The following ARHGAP32 variants were observed in gnomAD, a reference collection of about 807,000 sequenced individuals.
ARHGAP32 encodes rho GTPase-activating protein 32.
Under a neutral mutation model 186.5 loss-of-function variants are expected in ARHGAP32, and 51 were observed. The ratio of observed to expected loss-of-function variants is 0.27; its 90% CI spans 0.22 to 0.35. The LOEUF (loss-of-function observed/expected upper bound fraction) is 0.35, where lower values mean the gene tolerates loss of function less well. ARHGAP32 is among the 10% of genes least tolerant of loss of function. The pLI is 1.00. For missense variants in ARHGAP32, 2,186 were observed against 2,623.5 expected, an observed-to-expected ratio of 0.83 and a Z score of 3.64; for synonymous variants, 950 against 964.3, an observed-to-expected ratio of 0.99 and a Z score of 0.27.
chr11:128,980,726 G>C lies in ARHGAP32; in HGVS notation c.1803C>G (p.Ser601=). 1 of 1,611,612 alleles carries C rather than the reference G, an allele frequency of 6.2e-7. No individual in the cohort carries two copies. The highest frequency in any genetic ancestry group is 2.2e-5 in the East Asian group (1 of 44,838). ...TGGTGGATGGAGAGGATACCAGGAG[G>C]GACTTGGGCCTTGATAGAGAAGCTT... is the stretch of plus-strand genomic sequence containing the variant. ...EGAASLSRPK[S]LLVSSPSTKL... The change falls in exon 18 of 23, where the codon TCC becomes TCG. Residue 601 remains serine (S), a synonymous_variant. Coordinates refer to ENST00000682385, the MANE Select transcript of ARHGAP32 (RefSeq NM_001378024.1).
chr11:128,974,786 A>G lies in ARHGAP32; in HGVS notation c.2411T>C (p.Val804Ala). The change falls in exon 21 of 23, where the codon GTA becomes GCA. Residue 804 changes from valine to alanine, a missense_variant. Val to Ala is a moderately conservative substitution (Grantham distance 64). Coordinates refer to ENST00000682385, the MANE Select transcript of ARHGAP32 (RefSeq NM_001378024.1). ...DVDLSPPDIG[V>A]ASLDFDPMSF... ...CATTGGATCAAAATCCAGGCTGGCT[A>G]CTCCAATGTCTGGTGGGCTCAAGTC... is the stretch of plus-strand genomic sequence containing the variant. The G allele has an allele frequency of 6.2e-7, 1 of 1,614,044 alleles. No homozygotes were observed. Among genetic ancestry groups the G allele is most frequent in the Non-Finnish European group, 8.5e-7 (1 of 1,179,978 alleles).
intron 22 of ARHGAP32, 108 bp from the exon 23 acceptor site, chr11:128,971,267 C>A (rs1025157510): frequency 1.1e-6 from 1 of 916,142 alleles, no homozygotes; most frequent in Admixed American, 2.8e-5. Flanking sequence ...GCAGCTTGAA[C>A]TTTCCCAAGC....
chr11:129,153,880 G>C (rs1341364353), intron 2 of ARHGAP32, among the ~76,000 whole-genome samples: 1 of 151,924 alleles, frequency 6.6e-6, no homozygotes, highest in Non-Finnish European at 1.5e-5. Context: ...AAAATTAATA[G>C]GCAGGACCTA....
chr11:129,123,286 T>C lies in ARHGAP32; in HGVS notation c.444+160A>G, dbSNP rs941208153. Among the ~76,000 whole-genome samples, 10 of 151,548 alleles carry C rather than the reference T, an allele frequency of 6.6e-5. No individual in the cohort carries two copies. Among genetic ancestry groups the C allele is most frequent in the South Asian group, 4.2e-4 (2 of 4,784 alleles). ...CAACGTGACATCAAGTATTTGTCAATAGAAGAGAAGAAAGATTTTACCTCA... is the reference window on the plus strand; with the variant it reads ...CAACGTGACATCAAGTATTTGTCAACAGAAGAGAAGAAAGATTTTACCTCA... On this transcript the variant is annotated intron_variant, in intron 5 of 22. Transcript: ENST00000682385. The surrounding 1 kb of genome is among the most constrained non-coding windows in gnomAD (Gnocchi z 4.6).
chr11:129,176,964 C>T (rs1050371817), intron 1 of ARHGAP32, among the ~76,000 whole-genome samples: 1 of 150,904 alleles, frequency 6.6e-6, no homozygotes, highest in East Asian at 1.9e-4. Flanking sequence ...AATAGAGACA[C>T]AAAAAACCCT....
At chr11:129,144,918 G>C (rs1943137475) in intron 2 of ARHGAP32, among the ~76,000 whole-genome samples, 1 of 152,130 alleles carries the variant, frequency 6.6e-6, no homozygotes, top group Non-Finnish European at 1.5e-5. Flanking sequence ...AAAACTATTA[G>C]AAAGCACCAT....
In ARHGAP32 at chr11:128,965,869, C is replaced by A. The variant is rs1804387571; in HGVS notation, c.*3038G>T. Reference sequence around the variant, plus strand: ...ATGTGGTAACCTACTCCTCCGTCCCCACTCACGTTAGTTAACAGTCCCTCC... The same window carrying A: ...ATGTGGTAACCTACTCCTCCGTCCCAACTCACGTTAGTTAACAGTCCCTCC... On this transcript the variant is annotated 3_prime_UTR_variant, in exon 23 of 23. Coordinates refer to ENST00000682385, the MANE Select transcript of ARHGAP32 (RefSeq NM_001378024.1). The A allele has an allele frequency of 6.6e-6, 1 of 152,184 alleles. No individual in the cohort carries two copies. The allele number at this position is 152,184 out of a possible 1,614,324, so 9.4% of individuals were successfully genotyped here.
intron 11 of ARHGAP32, among the ~76,000 whole-genome samples, chr11:129,007,871 G>A (rs1937868613): frequency 6.6e-6 from 1 of 152,142 alleles, no homozygotes; most frequent in African/African-American, 2.4e-5. Context: ...TTGCAGTGGT[G>A]AGGCTTGTTG....
chr11:129,124,959 G>T, intron 2 of ARHGAP32, 65 bp from the exon 3 acceptor site: 3 of 1,279,616 alleles, frequency 2.3e-6, no homozygotes, highest in South Asian at 1.4e-5. Flanking sequence ...TAAAAAGCAG[G>T]TTATAATTTA....
chr11:129,011,705 T>C (rs1265366786), intron 11 of ARHGAP32, among the ~76,000 whole-genome samples: 3 of 152,156 alleles, frequency 2.0e-5, no homozygotes, highest in African/African-American at 4.8e-5. Context: ...AGAGCATTAA[T>C]AGGGAATTGG....
intron 1 of ARHGAP32, among the ~76,000 whole-genome samples, chr11:129,179,555 C>T (rs1460610866): frequency 6.6e-6 from 1 of 151,250 alleles, no homozygotes; most frequent in Non-Finnish European, 1.5e-5. Context: ...AAATGTCCAA[C>T]AATGATAGAC....
intron 1 of ARHGAP32, among the ~76,000 whole-genome samples, chr11:129,277,929 T>C (rs1228491553): frequency 6.6e-6 from 1 of 152,224 alleles, no homozygotes; most frequent in Non-Finnish European, 1.5e-5. Context: ...TAGACTTCAA[T>C]GTATCCAATA....
rs1174803677 is a variant in ARHGAP32, at chr11:128,970,756, A to T, written c.4457T>A (p.Val1486Asp). 1 of 1,614,170 alleles carries T rather than the reference A, an allele frequency of 6.2e-7. No homozygotes were observed. Among genetic ancestry groups the T allele is most frequent in the Non-Finnish European group, 8.5e-7 (1 of 1,180,024 alleles). ...PQPKHASQKTVYSSFARPDVT... is the reference protein window; with the variant it reads ...PQPKHASQKTDYSSFARPDVT... ...ATCGGGCCTAGCAAAGGAGGAGTAA[A>T]CTGTTTTCTGAGAAGCATGCTTAGG... The change falls in exon 23 of 23, where the codon GTT becomes GAT. Residue 1486 changes from valine (V) to aspartate (D), a missense_variant. Val to Asp is a radical substitution (Grantham distance 152, BLOSUM62 -3). Around this residue, in one of 5 missense-constraint regions of ARHGAP32, gnomAD observed 1,502 missense variants for 1,570.0 expected, o/e 0.96. Coordinates refer to ENST00000682385, the MANE Select transcript of ARHGAP32 (RefSeq NM_001378024.1). This position sits in a 1 kb window ranked among gnomAD's most constrained non-coding sequence, Gnocchi z 5.8.
intron 1 of ARHGAP32, among the ~76,000 whole-genome samples, chr11:129,177,738 C>A (rs1033649476): frequency 2.6e-5 from 4 of 152,150 alleles, no homozygotes; most frequent in African/African-American, 9.7e-5. Context: ...AATTCAACAG[C>A]CCTTCATGCT....
chr11:129,011,179 CTAAG>C (rs1297904503), intron 11 of ARHGAP32, among the ~76,000 whole-genome samples: 3 of 152,134 alleles, frequency 2.0e-5, no homozygotes, highest in Non-Finnish European at 4.4e-5. Context: ...AAGTAACTAC[CTAAG>C]TGTTTATATT....
At chr11:129,216,742 TATC>T (rs1944652889) in intron 1 of ARHGAP32, among the ~76,000 whole-genome samples, 1 of 151,940 alleles carries the variant, frequency 6.6e-6, no homozygotes, top group Non-Finnish European at 1.5e-5. Context: ...TAATACATTT[TATC>T]ATCATTTTCT....
intron 1 of ARHGAP32, among the ~76,000 whole-genome samples, chr11:129,240,373 T>A (rs1389117220): frequency 6.6e-6 from 1 of 152,012 alleles, no homozygotes; most frequent in Admixed American, 6.6e-5. Flanking sequence ...ACAAACACAC[T>A]CCCAGTAGTT....
Position 129,241,121 on chromosome 11 carries a change from G to C in ARHGAP32, c.-5+38025C>G, listed in dbSNP as rs529040001. Among the ~76,000 whole-genome samples the C allele has an allele frequency of 2.7e-4, 41 of 152,082 alleles. 1 individual carries two copies. The highest frequency in any genetic ancestry group is 3.9e-4 in the Admixed American group (6 of 15,272). On this transcript the variant is annotated intron_variant, in intron 1 of 6. Coordinates refer to the ARHGAP32 transcript ENST00000525234. ...GGATCTTGGTACCTATGAGATGTAA[G>C]GAATAAATGAGCTCACATGTACAAA...
At chr11:129,207,499 G>A (rs1944528835) in intron 1 of ARHGAP32, among the ~76,000 whole-genome samples, 1 of 152,132 alleles carries the variant, frequency 6.6e-6, no homozygotes, top group Non-Finnish European at 1.5e-5. Flanking sequence ...GTGATGATAA[G>A]CTTTTTTTCA....
Sources: gnomAD v4.1 joint callset for allele counts (sites outside exome capture counted in the v4.1 genomes callset) on GRCh38, gnomAD v4.1.1 for gene constraint, gnomAD v4.1.1 regional missense constraint, Gnocchi (gnomAD v3.1) non-coding constraint, MANE v1.5 for transcripts, NCBI Gene and HGNC (gene_info 2026-07-23, HGNC 2026-07-21) for gene names.